Variants in ARPC2 observed in about 807,000 individuals in gnomAD.
ARPC2 encodes the protein actin-related protein 2/3 complex subunit 2.
Under a neutral mutation model 38.6 loss-of-function variants are expected in ARPC2, and 4 were observed. The observed-to-expected ratio is 0.10, with a 90% CI of 0.05 to 0.24. ARPC2 has a LOEUF of 0.24. ARPC2 is among the 10% of genes least tolerant of loss of function. The pLI, the probability that ARPC2 is intolerant of heterozygous loss-of-function variation, is 1.00. For synonymous variants in ARPC2, 125 were observed against 140.8 expected (o/e 0.89, Z 0.79); for missense variants, 229 against 387.3 (o/e 0.59, Z 3.43).
chr2:218,234,760 A>G, intron 5 of ARPC2: 3 of 476,504 alleles, frequency 6.3e-6, no homozygotes, highest in Non-Finnish European at 1.2e-5. Flanking sequence ...GTAATTCTGC[A>G]TACTACATAT....
At chr2:218,217,980 A>C (rs1689295001) in intron 2 of ARPC2, among the ~76,000 whole-genome samples, 1 of 152,080 alleles carries the variant, frequency 6.6e-6, no homozygotes, top group African/African-American at 2.4e-5. Flanking sequence ...TGGAGGAGGG[A>C]AGGAGATGCA....
chr2:218,252,861 A>G (rs1288722662), intron 10 of ARPC2: 1 of 456,054 alleles, frequency 2.2e-6, no homozygotes, highest in Non-Finnish European at 4.4e-6. Context: ...CCAGGAAGGG[A>G]TGAATCCTTA....
intron 6 of ARPC2, 44 bp downstream of exon 6, chr2:218,238,894 AC>A: frequency 6.9e-7 from 1 of 1,445,352 alleles, no homozygotes; most frequent in Non-Finnish European, 9.6e-7. Flanking sequence ...TGGCTGCTAC[AC>A]CACCATGGCA....
Position 218,217,221 on chromosome 2 carries a change from G to GGCT in ARPC2, c.-41_-39dup, listed in dbSNP as rs1559472767. 1 of 461,610 alleles carries GGCT rather than the reference G, an allele frequency of 2.2e-6. No homozygotes were observed. Among genetic ancestry groups the GGCT allele is most frequent in the Admixed American group, 4.1e-5 (1 of 24,396 alleles). The allele number at this position is 461,610 out of a possible 1,614,324, so 28.6% of individuals were successfully genotyped here. On this transcript the variant is annotated 5_prime_UTR_variant, in exon 1 of 11. Transcript: ENST00000315717. The stretch of plus-strand genomic sequence containing the variant: ...AAGCGGCAGTGGCGGCGGCGGCGGC[G>GGCT]GCTCGGCAGGCGGGTTCAGGCTTCG...
At chr2:218,242,346 T>G (rs947356561) in intron 7 of ARPC2, among the ~76,000 whole-genome samples, 3 of 152,234 alleles carry the variant, frequency 2.0e-5, no homozygotes, top group Non-Finnish European at 4.4e-5. Context: ...CTTTTCATAT[T>G]CTAAGATTTT....
chr2:218,218,846 T>C (rs568548050), intron 2 of ARPC2, among the ~76,000 whole-genome samples: 1 of 152,352 alleles, frequency 6.6e-6, no homozygotes, highest in African/African-American at 2.4e-5. Context: ...AAGTAATACG[T>C]GTAGTGAGCA....
chr2:218,237,019 C>G lies in ARPC2; in HGVS notation c.269-1645C>G, dbSNP rs1210559729. Among the ~76,000 whole-genome samples the G allele has an allele frequency of 3.9e-5, 6 of 152,126 alleles. No individual in the cohort carries two copies. In the East Asian group the frequency reaches 1.2e-3, roughly 29 times the overall value. Reference sequence around the variant, plus strand: ...TTGATTCTATAATCAAGTGTTCCAGCCGGCTTCTGGGAATTCATAGTGGAC... The same window carrying G: ...TTGATTCTATAATCAAGTGTTCCAGGCGGCTTCTGGGAATTCATAGTGGAC... On this transcript the variant is annotated intron_variant, in intron 5 of 10. Transcript: ENST00000315717.
chr2:218,246,460 G>A (rs1180139392), intron 8 of ARPC2, among the ~76,000 whole-genome samples: 3 of 152,100 alleles, frequency 2.0e-5, no homozygotes, highest in African/African-American at 4.8e-5. Flanking sequence ...GACCCAGGAG[G>A]CGGAGGTTGC....
chr2:218,235,002 T>C, intron 5 of ARPC2: 2 of 369,964 alleles, frequency 5.4e-6, no homozygotes, highest in Non-Finnish European at 1.1e-5. Context: ...GTGGCATGTC[T>C]CAAATTCTGA....
In ARPC2 at chr2:218,217,197, A is replaced by G. The variant is rs570513756; in HGVS notation, c.-66A>G. On this transcript the variant is annotated 5_prime_UTR_variant, in exon 1 of 11. Transcript: ENST00000315717. Reference sequence around the variant, plus strand: ...GGGCGGGGACCGGGCTTGTCGGTGAAGCGGCAGTGGCGGCGGCGGCGGCGG... The same window carrying G: ...GGGCGGGGACCGGGCTTGTCGGTGAGGCGGCAGTGGCGGCGGCGGCGGCGG... 60 of 422,972 alleles carry G rather than the reference A, an allele frequency of 1.4e-4. No individual in the cohort carries two copies. The highest frequency in any genetic ancestry group is 1.0e-3 in the African/African-American group (47 of 47,126). The allele number at this position is 422,972 out of a possible 1,614,324, so 26.2% of individuals were successfully genotyped here. A position where few individuals can be genotyped will look rare whatever the true frequency, so the allele number is the denominator to read the frequency against.
At chr2:218,250,479 C>T (rs1010339133) in intron 10 of ARPC2, among the ~76,000 whole-genome samples, 3 of 152,052 alleles carry the variant, frequency 2.0e-5, no homozygotes, top group African/African-American at 7.2e-5. Flanking sequence ...CTGGCCAAGA[C>T]GGTGAAACCC....
chr2:218,234,319 C>T (rs768688982), intron 4 of ARPC2, 33 bp from the exon 5 acceptor site: 35 of 1,502,742 alleles, frequency 2.3e-5, no homozygotes, highest in Non-Finnish European at 2.9e-5. Context: ...TTTGGATTAA[C>T]GTATTTGGTT....
intron 2 of ARPC2, among the ~76,000 whole-genome samples, chr2:218,222,760 G>T (rs1317211871): frequency 1.3e-5 from 2 of 152,136 alleles, no homozygotes; most frequent in Admixed American, 1.3e-4. Flanking sequence ...CCTTAACATG[G>T]TTTCATTTCA....
chr2:218,239,609 TC>T lies in ARPC2; in HGVS notation c.549+126del, dbSNP rs1440804106. On this transcript the variant is annotated intron_variant, in intron 7 of 10. Transcript: ENST00000315717. Reference sequence around the variant, plus strand: ...GATGTTAGAATTTTTTTTTTTTTTTTCGAGACGGAGTTTCTCTCTTGTTGCC... The same window carrying T: ...GATGTTAGAATTTTTTTTTTTTTTTTGAGACGGAGTTTCTCTCTTGTTGCC... The T allele has an allele frequency of 2.9e-5, 18 of 629,490 alleles. No homozygotes were observed. In the African/African-American group the frequency reaches 3.1e-4, roughly 11 times the overall value. 39.0% of individuals were successfully genotyped at this position (629,490 alleles called of 1,614,324 possible). A position where few individuals can be genotyped will look rare whatever the true frequency, so the allele number is the denominator to read the frequency against.
chr2:218,252,983 A>G (rs752083033), intron 10 of ARPC2: 16 of 456,866 alleles, frequency 3.5e-5, no homozygotes, highest in Non-Finnish European at 7.0e-5. Flanking sequence ...AAGGAGAAGC[A>G]GGAGACAAAC....
chr2:218,241,930 C>A (rs573090809), intron 7 of ARPC2, among the ~76,000 whole-genome samples: 1 of 152,190 alleles, frequency 6.6e-6, no homozygotes, highest in African/African-American at 2.4e-5. Context: ...TGGATTTTCC[C>A]AAAAAATAAA....
At chr2:218,244,454 C>T (rs188643435) in intron 7 of ARPC2, among the ~76,000 whole-genome samples, 1 of 152,346 alleles carries the variant, frequency 6.6e-6, no homozygotes, top group East Asian at 1.9e-4. Flanking sequence ...TTTCTCTCAG[C>T]AAGGCATGTG....
At chr2:218,234,455 A>C (rs1689719395) in intron 5 of ARPC2, 58 bp downstream of exon 5, 5 of 1,339,202 alleles carry the variant, frequency 3.7e-6, no homozygotes, top group Non-Finnish European at 5.2e-6. Flanking sequence ...TCCTTTTTAT[A>C]TTATGCTTTT....
chr2:218,254,077 T>C lies in ARPC2; in HGVS notation c.*162T>C. ...GAAAATAATCTGCAGAAACGAGCTG[T>C]GCTTGCAAAGACTTCATAGTTCCCA... On this transcript the variant is annotated 3_prime_UTR_variant, in exon 11 of 11. Transcript: ENST00000315717. 1.3e-6 allele frequency: 1 copy of C among 757,914 alleles called. No individual in the cohort carries two copies. The highest frequency in any genetic ancestry group is 2.0e-6 in the Non-Finnish European group (1 of 493,122). The allele number at this position is 757,914 out of a possible 1,614,324, so 46.9% of individuals were successfully genotyped here.
Sources: gnomAD v4.1 joint callset for allele counts (sites outside exome capture counted in the v4.1 genomes callset) on GRCh38, gnomAD v4.1.1 for gene constraint, MANE v1.5 for transcripts, NCBI Gene and HGNC (gene_info 2026-07-23, HGNC 2026-07-21) for gene names.